CDH4: variants seen among roughly 807,000 people sequenced by gnomAD.
CDH4 encodes cadherin 4, also known as cadherin-4.
In CDH4, 33 loss-of-function variants were observed where a neutral mutation model predicts 86.0. The ratio of observed to expected loss-of-function variants is 0.38; its 90% CI spans 0.29 to 0.51. The LOEUF (loss-of-function observed/expected upper bound fraction) is 0.51, where lower values mean the gene tolerates loss of function less well. CDH4 is among the 20% of genes least tolerant of loss of function. CDH4 has a pLI of 0.86. For synonymous variants in CDH4, 555 were observed against 549.4 expected, an observed-to-expected ratio of 1.01 and a Z score of -0.14; for missense variants, 1,114 against 1,307.4, an observed-to-expected ratio of 0.85 and a Z score of 2.28.
intron 2 of CDH4, among the ~76,000 whole-genome samples, chr20:61,683,828 T>C (rs571880733): frequency 7.2e-5 from 11 of 152,356 alleles, no homozygotes; most frequent in Non-Finnish European, 1.5e-4. Context: ...CATTGTCTGT[T>C]CTTGTACAAG....
At chr20:61,525,130 G>A (rs1016317737) in intron 2 of CDH4, among the ~76,000 whole-genome samples, 4 of 152,194 alleles carry the variant, frequency 2.6e-5, no homozygotes, top group African/African-American at 9.7e-5. Context: ...TGCCAGGCAT[G>A]ATTCCCGGGT....
intron 2 of CDH4, among the ~76,000 whole-genome samples, chr20:61,558,263 A>T (rs2086191918): frequency 6.6e-6 from 1 of 152,136 alleles, no homozygotes; most frequent in South Asian, 2.1e-4. Flanking sequence ...TCACACCAAG[A>T]ACCCTGTCCC....
At position 61,565,131 on chromosome 20, in the gene CDH4, CTGGTCCTCTTGGTGTTGGTAG is replaced by C. The variant is rs1194466920; in HGVS notation, c.170-178417_170-178397del. ...GGTGGTGCTGGTGCTCTTGGTGGTGCTGGTCCTCTTGGTGTTGGTAGTGGTCCTCTTGGTGATGGGGTGGTG... is the reference window on the plus strand; with the variant it reads ...GGTGGTGCTGGTGCTCTTGGTGGTGCTGGTCCTCTTGGTGATGGGGTGGTG... On this transcript the variant is annotated intron_variant, in intron 2 of 15. Coordinates refer to ENST00000614565, the MANE Select transcript of CDH4 (RefSeq NM_001794.5). Among the ~76,000 whole-genome samples, 22 of 90,344 alleles carry C rather than the reference CTGGTCCTCTTGGTGTTGGTAG, an allele frequency of 2.4e-4. 1 individual carries two copies. Among genetic ancestry groups the C allele is most frequent in the South Asian group, 4.0e-4 (1 of 2,480 alleles). The allele number at this position is 90,344 out of a possible 152,430, so 59.3% of individuals were successfully genotyped here.
At chr20:61,743,364 C>CT (rs1263915555) in intron 2 of CDH4, among the ~76,000 whole-genome samples, 199 bp from the exon 3 acceptor site, 1 of 152,196 alleles carries the variant, frequency 6.6e-6, no homozygotes, top group Non-Finnish European at 1.5e-5. Flanking sequence ...TCTTCCCCCC[C>CT]TTTTTTAAAG....
At chr20:61,484,313 CT>C (rs1238402722) in intron 2 of CDH4, among the ~76,000 whole-genome samples, 1 of 152,190 alleles carries the variant, frequency 6.6e-6, no homozygotes, top group Non-Finnish European at 1.5e-5. Context: ...GCACTCTTGT[CT>C]TTTCTGAACT....
chr20:61,359,575 T>C (rs28704538), intron 2 of CDH4, among the ~76,000 whole-genome samples: 34,597 of 152,108 alleles, frequency 0.23, 4,440 homozygotes, highest in South Asian at 0.34. Context: ...ATGAAGCAGG[T>C]GCTCCGTGTC....
At chr20:61,805,822 A>C (rs1303192623) in intron 4 of CDH4, among the ~76,000 whole-genome samples, 1 of 152,246 alleles carries the variant, frequency 6.6e-6, no homozygotes, top group East Asian at 1.9e-4. Context: ...GAGTTGTCAC[A>C]GCCAGAGCTC....
chr20:61,418,227 C>CTTTT (rs1568836925), intron 2 of CDH4, among the ~76,000 whole-genome samples: 1 of 136,572 alleles, frequency 7.3e-6, no homozygotes, highest in African/African-American at 2.9e-5. Flanking sequence ...TTTTTTTTCC[C>CTTTT]TGAGACAGAG....
intron 2 of CDH4, among the ~76,000 whole-genome samples, chr20:61,720,415 T>G (rs2145911639): frequency 8.7e-6 from 1 of 115,494 alleles, no homozygotes; most frequent in Non-Finnish European, 1.8e-5. Context: ...GAAGTGTAAG[T>G]GTGTAGGGGT....
chr20:61,936,867 A>G lies in CDH4; in HGVS notation c.2675A>G (p.Asp892Gly), dbSNP rs370667781. The G allele has an allele frequency of 4.4e-6, 7 of 1,608,310 alleles. No individual in the cohort carries two copies. Among genetic ancestry groups the G allele is most frequent in the Non-Finnish European group, 5.9e-6 (7 of 1,178,080 alleles). Residue 892 changes from aspartate to glycine, a missense_variant, in exon 16 of 16, where the codon GAC (aspartate) becomes GGC (glycine). Transcript: ENST00000614565. ...SLNSSSSGDQ[D>G]YDYLNDWGPR... ...AACTCATCCAGTTCCGGGGACCAAG[A>G]CTACGATTACCTCAACGACTGGGGG...
At chr20:61,657,433 A>C (rs1485989722) in intron 2 of CDH4, among the ~76,000 whole-genome samples, 1 of 152,224 alleles carries the variant, frequency 6.6e-6, no homozygotes. Context: ...CCACAAGACT[A>C]TTTTCAAAGC....
Position 61,331,648 on chromosome 20 carries a change from G to T in CDH4, c.169+76711G>T, listed in dbSNP as rs1568801185. On this transcript the variant is annotated intron_variant, in intron 2 of 15. Coordinates refer to ENST00000614565, the MANE Select transcript of CDH4 (RefSeq NM_001794.5). Reference sequence around the variant, plus strand: ...ACCTCCTGCCCCAGACCCACCTCCCGCCCCAGCCACCTGCCCCAGGCTCAC... The same window carrying T: ...ACCTCCTGCCCCAGACCCACCTCCCTCCCCAGCCACCTGCCCCAGGCTCAC... 7.0e-4 allele frequency among the ~76,000 whole-genome samples: 8 copies of T among 11,510 alleles called. No homozygotes were observed. The East Asian group carries it at 9.0e-3, about 13-fold the overall frequency. 7.6% of individuals were successfully genotyped at this position (11,510 alleles called of 152,430 possible). A position where few individuals can be genotyped will look rare whatever the true frequency, so the allele number is the denominator to read the frequency against.
chr20:61,256,805 G>T (rs939716138), intron 2 of CDH4, among the ~76,000 whole-genome samples: 1 of 152,214 alleles, frequency 6.6e-6, no homozygotes. Flanking sequence ...GGCTGTAGTC[G>T]CATTGCTTCT....
chr20:61,423,717 T>C (rs983358970), intron 2 of CDH4, among the ~76,000 whole-genome samples: 3 of 152,180 alleles, frequency 2.0e-5, no homozygotes, highest in African/African-American at 7.2e-5. Context: ...TTAAATCCTT[T>C]GATTTCTGCA....
At chr20:61,316,188 A>G (rs1206405723) in intron 2 of CDH4, among the ~76,000 whole-genome samples, 1 of 152,232 alleles carries the variant, frequency 6.6e-6, no homozygotes, top group Non-Finnish European at 1.5e-5. Context: ...GAAACAAGAA[A>G]TGGAAGTTTA....
At chr20:61,256,444 C>T (rs1285681925) in intron 2 of CDH4, among the ~76,000 whole-genome samples, 1 of 152,202 alleles carries the variant, frequency 6.6e-6, no homozygotes, top group Non-Finnish European at 1.5e-5. Flanking sequence ...TACAACGCAG[C>T]GTGAGATTTC....
At chr20:61,505,352 T>C (rs1205072302) in intron 2 of CDH4, among the ~76,000 whole-genome samples, 1 of 152,196 alleles carries the variant, frequency 6.6e-6, no homozygotes, top group Non-Finnish European at 1.5e-5. Flanking sequence ...TTCTAGGAGT[T>C]AGGCGTAGCT....
At chr20:61,434,270 A>G (rs1383576844) in intron 2 of CDH4, among the ~76,000 whole-genome samples, 2 of 152,188 alleles carry the variant, frequency 1.3e-5, no homozygotes, top group East Asian at 1.9e-4. Flanking sequence ...TAGACTTTGC[A>G]TAATCGAATT....
chr20:61,504,988 G>C (rs1383641415), intron 2 of CDH4, among the ~76,000 whole-genome samples: 2 of 152,200 alleles, frequency 1.3e-5, no homozygotes, highest in Non-Finnish European at 2.9e-5. Flanking sequence ...TGTTGGGGAG[G>C]GGGCTTCTCT....
Sources: allele counts gnomAD v4.1 joint callset (sites outside exome capture counted in the v4.1 genomes callset), GRCh38; gene constraint gnomAD v4.1.1; transcripts MANE v1.5; gene names NCBI Gene and HGNC (gene_info 2026-07-23, HGNC 2026-07-21).